ADGRL2: variants seen among roughly 807,000 people sequenced by gnomAD.
ADGRL2 encodes the protein calcium-independent alpha-latrotoxin receptor 2.
ADGRL2 carries 44 observed loss-of-function variants against 157.4 expected under a neutral mutation model. That is an observed-to-expected ratio of 0.28 (90% CI 0.22 to 0.36). The LOEUF (loss-of-function observed/expected upper bound fraction) is 0.36. ADGRL2 is among the 10% of genes least tolerant of loss of function. The pLI is 1.00. For synonymous variants in ADGRL2, 585 were observed against 624.7 expected (o/e 0.94, Z 0.95); for missense variants, 1,510 against 1,768.9 (o/e 0.85, Z 2.63).
chr1:81,502,042 G>A, intron 2 of ADGRL2: 1 of 1,603,000 alleles, frequency 6.2e-7, no homozygotes, highest in Non-Finnish European at 8.5e-7. Flanking sequence ...GGGGCAACAT[G>A]AACTCAGAGC....
chr1:81,447,053 AT>A (rs2077610384), intron 2 of ADGRL2, among the ~76,000 whole-genome samples: 1 of 152,146 alleles, frequency 6.6e-6, no homozygotes, highest in Non-Finnish European at 1.5e-5. Context: ...TACTATTATA[AT>A]TTTTATATTA....
rs35681432 is a variant in ADGRL2 at position 81,411,879 on chromosome 1, T to TAA, written c.-301-33140_-301-33139dup. ...TGGGCAACAAAGCGAGACTCCGTCT[T>TAA]AAAAAAAAAAAAAAAAAAGTTTTAA... On this transcript the variant is annotated intron_variant, in intron 1 of 24. Transcript: ENST00000370721. Among the ~76,000 whole-genome samples, 489 of 131,750 alleles carry TAA rather than the reference T, an allele frequency of 3.7e-3. 3 individuals are homozygous for TAA. The highest frequency in any genetic ancestry group is 5.3e-3 in the South Asian group (21 of 3,994). The allele number at this position is 131,750 out of a possible 152,430, so 86.4% of individuals were successfully genotyped here.
Position 81,990,414 on chromosome 1 carries a change from G to C in ADGRL2, c.3679G>C (p.Asp1227His). ...ETRHSLNNARDTSAMDTLPLN... is the reference protein window; with the variant it reads ...ETRHSLNNARHTSAMDTLPLN... Reference sequence around the variant, plus strand: ...AGGACATTCACTGAACAATGCCAGGGATACAAGTGCCATGGATACTCTACC... The same window carrying C: ...AGGACATTCACTGAACAATGCCAGGCATACAAGTGCCATGGATACTCTACC... The change falls in exon 24 of 24, where the codon GAT (aspartate) becomes CAT (histidine). Residue 1227 changes from aspartate (D) to histidine (H), a missense_variant. This residue lies in a region of ADGRL2 where 327 missense variants were observed against 310.1 expected (regional missense o/e 1.05). Transcript: ENST00000686636. 1 of 1,613,842 alleles carries C rather than the reference G, an allele frequency of 6.2e-7. No homozygotes were observed. Among genetic ancestry groups the C allele is most frequent in the Non-Finnish European group, 8.5e-7 (1 of 1,179,840 alleles).
chr1:81,373,491 G>A (rs183700310), intron 1 of ADGRL2, among the ~76,000 whole-genome samples: 20 of 152,266 alleles, frequency 1.3e-4, no homozygotes, highest in Admixed American at 1.3e-3. Context: ...AAACTCCTGT[G>A]AGTTTATCAA....
At chr1:81,716,517 A>G (rs1371194756) in intron 1 of ADGRL2, among the ~76,000 whole-genome samples, 2 of 152,154 alleles carry the variant, frequency 1.3e-5, no homozygotes, top group African/African-American at 4.8e-5. Flanking sequence ...AACCTTATAG[A>G]CCAACAACAA....
chr1:81,685,798 A>T (rs545911433), intron 3 of ADGRL2, among the ~76,000 whole-genome samples: 1 of 152,256 alleles, frequency 6.6e-6, no homozygotes, highest in African/African-American at 2.4e-5. Context: ...TATTACATTA[A>T]GGTATGTCCC....
In ADGRL2 at chr1:81,327,200, A is replaced by G. The variant is rs184591911; in HGVS notation, c.-302+20691A>G. Among the ~76,000 whole-genome samples, 12 of 152,306 alleles carry G rather than the reference A, an allele frequency of 7.9e-5. No individual in the cohort carries two copies. In the East Asian group the frequency reaches 2.3e-3, roughly 29 times the overall value. On this transcript the variant is annotated intron_variant, in intron 1 of 24. Coordinates refer to the ADGRL2 transcript ENST00000370721. ...TTCATACATAATGCTCCATGTGATT[A>G]TCAAATCCAGACTGCAGAGCGGAAT... is the stretch of plus-strand genomic sequence containing the variant.
intron 11 of ADGRL2, among the ~76,000 whole-genome samples, chr1:81,961,865 T>C (rs1478630300): frequency 6.6e-6 from 1 of 152,220 alleles, no homozygotes; most frequent in African/African-American, 2.4e-5. Context: ...TATGCTGATA[T>C]GTGTATCTGT....
At chr1:81,817,414 A>T (rs957657864) in intron 1 of ADGRL2, among the ~76,000 whole-genome samples, 14 of 152,108 alleles carry the variant, frequency 9.2e-5, no homozygotes, top group Admixed American at 7.9e-4. Context: ...ATCACAAGAG[A>T]TCATGAATTT....
chr1:81,631,703 A>G (rs2082013628), intron 3 of ADGRL2, among the ~76,000 whole-genome samples: 3 of 152,172 alleles, frequency 2.0e-5, no homozygotes, highest in Non-Finnish European at 4.4e-5. Flanking sequence ...CATTGGTTTA[A>G]TATATACCCC....
chr1:81,839,749 A>G (rs2092459338), intron 2 of ADGRL2, among the ~76,000 whole-genome samples: 1 of 148,380 alleles, frequency 6.7e-6, no homozygotes, highest in Non-Finnish European at 1.5e-5. Context: ...CATCATATAT[A>G]TATATGTATT....
chr1:81,971,305 C>T (rs1039127959), intron 16 of ADGRL2, among the ~76,000 whole-genome samples: 1 of 152,096 alleles, frequency 6.6e-6, no homozygotes, highest in Admixed American at 6.6e-5. Context: ...ATCATTTACT[C>T]TAATACTGTG....
intron 1 of ADGRL2, among the ~76,000 whole-genome samples, chr1:81,400,362 G>A (rs1367836829): frequency 6.6e-6 from 1 of 152,122 alleles, no homozygotes; most frequent in African/African-American, 2.4e-5. Context: ...CTCTGTGGCA[G>A]AGATGAATGT....
At chr1:81,659,593 A>T (rs1010704253) in intron 3 of ADGRL2, among the ~76,000 whole-genome samples, 1 of 152,172 alleles carries the variant, frequency 6.6e-6, no homozygotes, top group African/African-American at 2.4e-5. Flanking sequence ...TAAAAAATGG[A>T]TTGACCGCAG....
chr1:81,616,674 C>CTTTTTTT (rs1393879384), intron 3 of ADGRL2, among the ~76,000 whole-genome samples: 18 of 51,832 alleles, frequency 3.5e-4, no homozygotes, highest in South Asian at 7.3e-4. Flanking sequence ...CTTTTCTTTT[C>CTTTTTTT]TTTTCTTTTT....
intron 1 of ADGRL2, among the ~76,000 whole-genome samples, chr1:81,424,521 C>A (rs1056558983): frequency 1.3e-5 from 2 of 152,186 alleles, no homozygotes; most frequent in Admixed American, 6.5e-5. Context: ...GAGCATTTTG[C>A]CAGCTACTCT....
chr1:81,644,902 C>G (rs1028681890), intron 3 of ADGRL2, among the ~76,000 whole-genome samples: 1 of 152,186 alleles, frequency 6.6e-6, no homozygotes, highest in Non-Finnish European at 1.5e-5. Context: ...ACAAAAATCA[C>G]TTAGACCCCT....
At chr1:81,406,526 A>T (rs1183271815) in intron 1 of ADGRL2, among the ~76,000 whole-genome samples, 1 of 152,214 alleles carries the variant, frequency 6.6e-6, no homozygotes, top group Non-Finnish European at 1.5e-5. Context: ...AGGCTTAGGT[A>T]ATACAGCTAG....
At chr1:81,628,285 T>C (rs1469807839) in intron 3 of ADGRL2, among the ~76,000 whole-genome samples, 1 of 152,142 alleles carries the variant, frequency 6.6e-6, no homozygotes, top group Non-Finnish European at 1.5e-5. Flanking sequence ...AGTGAGGACA[T>C]CATTACTGGG....
Sources: allele counts gnomAD v4.1 joint callset (sites outside exome capture counted in the v4.1 genomes callset), GRCh38; gene constraint gnomAD v4.1.1; regional missense constraint gnomAD v4.1.1; transcripts MANE v1.5; gene names NCBI Gene and HGNC (gene_info 2026-07-23, HGNC 2026-07-21).